Variants in RALYL observed in about 807,000 individuals in gnomAD.
RALYL encodes RALY RNA binding protein like.
A neutral mutation model predicts 35.1 loss-of-function variants in RALYL; 29 were observed. That is an observed-to-expected ratio of 0.83 (90% CI 0.61 to 1.13). The LOEUF (loss-of-function observed/expected upper bound fraction) is 1.13. Among genes scored for constraint, RALYL ranks in the 50% most tolerant of loss-of-function variants. The pLI is 0.00. For synonymous variants in RALYL, 120 were observed against 127.6 expected (o/e 0.94, Z 0.40); for missense variants, 359 against 360.4 (o/e 1.00, Z 0.03).
At chr8:84,794,144 A>T (rs1225986800) in intron 3 of RALYL, among the ~76,000 whole-genome samples, 1 of 152,222 alleles carries the variant, frequency 6.6e-6, no homozygotes, top group Non-Finnish European at 1.5e-5. Flanking sequence ...TGCTCCTCCC[A>T]ACCTACTAGG....
At chr8:84,671,800 T>C (rs1231533663) in intron 2 of RALYL, among the ~76,000 whole-genome samples, 1 of 152,232 alleles carries the variant, frequency 6.6e-6, no homozygotes, top group African/African-American at 2.4e-5. Flanking sequence ...TGGGAGGGGC[T>C]GCTGGAAGGT....
intron 3 of RALYL, among the ~76,000 whole-genome samples, chr8:84,777,272 C>T (rs1384406846): frequency 1.3e-5 from 2 of 152,150 alleles, no homozygotes; most frequent in Non-Finnish European, 2.9e-5. Context: ...TGTATTTAGT[C>T]ACTTGCTACC....
intron 2 of RALYL, among the ~76,000 whole-genome samples, chr8:84,735,481 C>T (rs954627840): frequency 1.3e-5 from 2 of 151,906 alleles, no homozygotes; most frequent in African/African-American, 2.4e-5. Flanking sequence ...CAGTCACCTC[C>T]ACCCCAGCAG....
At chr8:84,786,804 C>A (rs1458822338) in intron 3 of RALYL, among the ~76,000 whole-genome samples, 4 of 152,054 alleles carry the variant, frequency 2.6e-5, no homozygotes, top group Non-Finnish European at 4.4e-5. Context: ...ATAATAGTTG[C>A]TTTTGCTGTG....
chr8:84,204,035 T>G (rs771630524), intron 1 of RALYL, among the ~76,000 whole-genome samples: 47 of 142,214 alleles, frequency 3.3e-4, no homozygotes, highest in Non-Finnish European at 6.8e-4. Flanking sequence ...ACTCAGTGTA[T>G]AAGTTTTTTT....
intron 1 of RALYL, among the ~76,000 whole-genome samples, chr8:84,336,908 T>C (rs1847906949): frequency 6.6e-6 from 1 of 151,778 alleles, no homozygotes; most frequent in South Asian, 2.1e-4. Flanking sequence ...GGGCCCTCCA[T>C]AGACACTAGT....
chr8:84,656,317 C>A (rs1383967731), intron 2 of RALYL, among the ~76,000 whole-genome samples: 1 of 152,074 alleles, frequency 6.6e-6, no homozygotes, highest in Non-Finnish European at 1.5e-5. Context: ...TATTGATCAG[C>A]AACTCTTTTG....
At chr8:84,363,903 A>G (rs1456166158) in intron 1 of RALYL, among the ~76,000 whole-genome samples, 2 of 152,190 alleles carry the variant, frequency 1.3e-5, no homozygotes, top group Non-Finnish European at 2.9e-5. Context: ...CCTTAGGTGT[A>G]TCTATGTGCA....
intron 2 of RALYL, among the ~76,000 whole-genome samples, chr8:84,772,895 TC>T (rs1199898246): frequency 6.6e-6 from 1 of 152,176 alleles, no homozygotes; most frequent in African/African-American, 2.4e-5. Flanking sequence ...AATTATCTGA[TC>T]TTAAAGCAAG....
intron 1 of RALYL, among the ~76,000 whole-genome samples, chr8:84,271,839 A>T (rs1834366620): frequency 1.3e-5 from 2 of 152,138 alleles, no homozygotes; most frequent in Non-Finnish European, 2.9e-5. Flanking sequence ...GAGTGGGGAA[A>T]GGCTGCAAAT....
chr8:84,738,862 T>C (rs1183791032), intron 2 of RALYL, among the ~76,000 whole-genome samples: 1 of 152,034 alleles, frequency 6.6e-6, no homozygotes, highest in African/African-American at 2.4e-5. Context: ...TTTGCAATTT[T>C]TGAGAGACTT....
At chr8:84,211,585 C>T (rs958548463) in intron 1 of RALYL, among the ~76,000 whole-genome samples, 2 of 152,058 alleles carry the variant, frequency 1.3e-5, no homozygotes, top group Admixed American at 1.3e-4. Context: ...CAGTAAGAAG[C>T]TCTCTGTTCT....
At chr8:84,227,318 A>C in intron 1 of RALYL, among the ~76,000 whole-genome samples, 1 of 151,902 alleles carries the variant, frequency 6.6e-6, no homozygotes, top group East Asian at 1.9e-4. Flanking sequence ...TCGGTCTCTC[A>C]AAGTGCTGGG....
chr8:84,564,937 G>A (rs1008138160), intron 2 of RALYL, among the ~76,000 whole-genome samples: 27 of 151,518 alleles, frequency 1.8e-4, no homozygotes, highest in African/African-American at 6.5e-4. Context: ...TGCTCATGCC[G>A]CATTCATGCA....
At chr8:84,852,453 A>G (rs1010572928) in intron 5 of RALYL, among the ~76,000 whole-genome samples, 6 of 152,184 alleles carry the variant, frequency 3.9e-5, no homozygotes. Flanking sequence ...CTGTTTTTAT[A>G]CTATTTGAAA....
At chr8:84,539,574 A>G (rs1205031877) in intron 2 of RALYL, among the ~76,000 whole-genome samples, 1 of 151,914 alleles carries the variant, frequency 6.6e-6, no homozygotes, top group Admixed American at 6.6e-5. Flanking sequence ...GTCTTGTTGA[A>G]AAAAATCTTT....
intron 4 of RALYL, among the ~76,000 whole-genome samples, chr8:84,840,287 G>T (rs1202809568): frequency 6.6e-6 from 1 of 152,172 alleles, no homozygotes. Context: ...ACCTGATGGA[G>T]CTGAAAACCA....
intron 8 of RALYL, among the ~76,000 whole-genome samples, chr8:84,902,428 TC>T (rs1470467804): frequency 6.6e-6 from 1 of 152,120 alleles, no homozygotes; most frequent in Non-Finnish European, 1.5e-5. Context: ...AGATCCCACC[TC>T]CATTACTGGG....
intron 1 of RALYL, among the ~76,000 whole-genome samples, chr8:84,252,371 T>C (rs1270739056): frequency 6.6e-6 from 1 of 152,164 alleles, no homozygotes; most frequent in Non-Finnish European, 1.5e-5. Flanking sequence ...ACAAATTAAA[T>C]ATTAATTAGT....
Sources: allele counts gnomAD v4.1 joint callset (sites outside exome capture counted in the v4.1 genomes callset), GRCh38; gene constraint gnomAD v4.1.1; transcripts MANE v1.5; gene names NCBI Gene and HGNC (gene_info 2026-07-23, HGNC 2026-07-21).